DONSON: variants seen among roughly 807,000 people sequenced by gnomAD.
The protein encoded by DONSON is protein downstream neighbor of Son.
DONSON carries 43 observed loss-of-function variants against 62.1 expected under a neutral mutation model. That is an observed-to-expected ratio of 0.69 (90% confidence interval 0.54 to 0.89). The LOEUF is 0.89. Among genes scored for constraint, DONSON ranks in the 40% least tolerant of loss-of-function variants. DONSON has a pLI of 0.00. For synonymous variants in DONSON, 266 were observed against 264.6 expected, an observed-to-expected ratio of 1.01 and a Z score of -0.05; for missense variants, 696 against 697.5, an observed-to-expected ratio of 1.00 and a Z score of 0.03.
intron 2 of DONSON, among the ~76,000 whole-genome samples, chr21:33,586,528 CT>C (rs1348912848): frequency 6.6e-6 from 1 of 152,176 alleles, no homozygotes; most frequent in African/African-American, 2.4e-5. Flanking sequence ...GCTTCTGAAA[CT>C]CTGCATCCAG....
rs2086449773 is a variant in DONSON at position 33,577,714 on chromosome 21, C to A, written c.*593G>T. 6.8e-6 allele frequency: 1 copy of A among 146,478 alleles called. No individual in the cohort carries two copies. Among genetic ancestry groups the A allele is most frequent in the Admixed American group, 6.9e-5 (1 of 14,440 alleles). The allele number at this position is 146,478 out of a possible 1,614,324, so 9.1% of individuals were successfully genotyped here. On this transcript the variant is annotated 3_prime_UTR_variant, in exon 10 of 10. Coordinates refer to ENST00000303071, the MANE Select transcript of DONSON (RefSeq NM_017613.4). ...ACACACACACACACCCCTATAAGCA[C>A]ATTAAATACTACTTTGCCGTGACAG...
chr21:33,583,425 C>A, intron 5 of DONSON, 63 bp downstream of exon 5: 1 of 1,309,122 alleles, frequency 7.6e-7, no homozygotes, highest in Non-Finnish European at 1.0e-6. Flanking sequence ...ATTTAAATAG[C>A]TTTTAGGCCA....
At chr21:33,584,233 A>G (rs2086552723) in intron 4 of DONSON, among the ~76,000 whole-genome samples, 1 of 151,214 alleles carries the variant, frequency 6.6e-6, no homozygotes, top group Admixed American at 6.6e-5. Context: ...TTTTTAGTAG[A>G]GACAGGGTTT....
chr21:33,583,209 A>AAAAAAAAAAAAAAAAAAAAAC, intron 5 of DONSON, among the ~76,000 whole-genome samples: 1 of 87,578 alleles, frequency 1.1e-5, no homozygotes, highest in Non-Finnish European at 2.8e-5. Context: ...TCAAAAAAAA[A>AAAAAAAAAAAAAAAAAAAAAC]AAAAAAAAAA....
chr21:33,577,672 CACACACACACACACACA>C lies in DONSON; in HGVS notation c.*618_*634del, dbSNP rs1266034230. On this transcript the variant is annotated 3_prime_UTR_variant, in exon 10 of 10. Coordinates refer to ENST00000303071, the MANE Select transcript of DONSON (RefSeq NM_017613.4). ...ACACACACACACACACACACACACA[CACACACACACACACACA>C]CACACACACACACCCCTATAAGCAC... 85 of 101,560 alleles carry C rather than the reference CACACACACACACACACA, an allele frequency of 8.4e-4. 3 individuals are homozygous for C. Among genetic ancestry groups the C allele is most frequent in the African/African-American group, 2.6e-3 (59 of 22,872 alleles). The allele number at this position is 101,560 out of a possible 1,614,324, so 6.3% of individuals were successfully genotyped here.
chr21:33,582,948 G>A (rs879564032), intron 5 of DONSON, among the ~76,000 whole-genome samples: 3 of 151,870 alleles, frequency 2.0e-5, no homozygotes, highest in Non-Finnish European at 4.4e-5. Context: ...ACGCCTGTAA[G>A]CCCAGCACTT....
rs747332456 is a variant in DONSON at position 33,582,284 on chromosome 21, A to G, written c.965-38T>C. 1.1e-4 allele frequency: 166 copies of G among 1,502,580 alleles called. 1 individual carries two copies. The highest frequency in any genetic ancestry group is 1.5e-4 in the Non-Finnish European group (162 of 1,092,564). 93.1% of individuals were successfully genotyped at this position (1,502,580 alleles called of 1,614,324 possible). Reference sequence around the variant, plus strand: ...CAAAAATGTAACTGAGTTGTCATTTAAAGTATTTAACAGGCATGCTGTACT... The same window carrying G: ...CAAAAATGTAACTGAGTTGTCATTTGAAGTATTTAACAGGCATGCTGTACT... On this transcript the variant is annotated intron_variant, in intron 5 of 9. Coordinates refer to ENST00000303071, the MANE Select transcript of DONSON (RefSeq NM_017613.4).
At position 33,579,702 on chromosome 21, in the gene DONSON, A is replaced by G. The variant is rs2834238; in HGVS notation, c.1351-140T>C. ...AATAAAACTATTTCCCAAGACATCT[A>G]AACAATGTTATGTGAGTACAAATAC... On this transcript the variant is annotated intron_variant, in intron 8 of 9. Coordinates refer to ENST00000303071, the MANE Select transcript of DONSON (RefSeq NM_017613.4). 0.12 allele frequency: 80,808 copies of G among 655,928 alleles called. 5,659 individuals are homozygous for G. Among genetic ancestry groups the G allele is most frequent in the Admixed American group, 0.18 (6,264 of 34,280 alleles). 40.6% of individuals were successfully genotyped at this position (655,928 alleles called of 1,614,324 possible).
chr21:33,585,918 G>C lies in DONSON; in HGVS notation c.606+60C>G, dbSNP rs560205499. 2.7e-4 allele frequency: 409 copies of C among 1,520,834 alleles called. 1 individual carries two copies. Among genetic ancestry groups the C allele is most frequent in the Middle Eastern group, 3.7e-4 (2 of 5,444 alleles). The allele number at this position is 1,520,834 out of a possible 1,614,324, so 94.2% of individuals were successfully genotyped here. A position where few individuals can be genotyped will look rare whatever the true frequency, so the allele number is the denominator to read the frequency against. On this transcript the variant is annotated intron_variant, in intron 3 of 9. Coordinates refer to ENST00000303071, the MANE Select transcript of DONSON (RefSeq NM_017613.4). ...AAGGCAGCATCTGCTATTTTGCAAA[G>C]GAGAGCATTTCACACTTAATTTGTT...
chr21:33,583,457 T>C (rs746015074), intron 5 of DONSON, 31 bp downstream of exon 5: 4 of 1,599,490 alleles, frequency 2.5e-6, no homozygotes, highest in African/African-American at 1.3e-5. Flanking sequence ...CTATATAGTA[T>C]AGTATTCTCA....
intron 4 of DONSON, among the ~76,000 whole-genome samples, 179 bp downstream of exon 4, chr21:33,584,411 A>G (rs1293472180): frequency 6.6e-6 from 1 of 151,850 alleles, no homozygotes; most frequent in African/African-American, 2.4e-5. Flanking sequence ...AAGAATGAGT[A>G]ACAGCTAAAA....
intron 8 of DONSON, among the ~76,000 whole-genome samples, chr21:33,580,384 T>C (rs1303839657): frequency 1.5e-5 from 2 of 132,510 alleles, no homozygotes; most frequent in Non-Finnish European, 3.1e-5. Flanking sequence ...TGAAAACCCG[T>C]CTCTACAAAA....
intron 5 of DONSON, among the ~76,000 whole-genome samples, chr21:33,583,199 T>TAAAAAAAAAAAAAAAAAAAAAAAAAAA (rs2086534551): frequency 6.4e-5 from 1 of 15,654 alleles, no homozygotes. Flanking sequence ...AGTCTCCATC[T>TAAAAAAAAAAAAAAAAAAAAAAAAAAA]CAAAAAAAAA....
Position 33,583,536 on chromosome 21 carries a change from G to A in DONSON, c.916C>T (p.Leu306Phe), listed in dbSNP as rs756425637. ...GLAGSDLITA[L>F]ISPTTRGLRE... ...AAACCTCGAGTTGTTGGAGATATGA[G>A]AGCTGTGATTAAGTCACTTCCAGCT... is the stretch of plus-strand genomic sequence containing the variant. The change falls in exon 5 of 10, where the codon CTC becomes TTC. Residue 306 changes from leucine to phenylalanine, a missense_variant. Transcript: ENST00000303071. 3.1e-6 allele frequency: 5 copies of A among 1,613,808 alleles called. No homozygotes were observed. Among genetic ancestry groups the A allele is most frequent in the East Asian group, 4.5e-5 (2 of 44,848 alleles).
At chr21:33,583,225 A>AAAAAAAAAAAAAAAAAAAAAT (rs1209982782) in intron 5 of DONSON, among the ~76,000 whole-genome samples, 2 of 139,898 alleles carry the variant, frequency 1.4e-5, no homozygotes, top group Non-Finnish European at 3.1e-5. Flanking sequence ...AAAAAAAAAA[A>AAAAAAAAAAAAAAAAAAAAAT]GAATGATCAT....
chr21:33,583,398 G>A (rs1191542969), intron 5 of DONSON, 90 bp downstream of exon 5: 2 of 1,012,024 alleles, frequency 2.0e-6, no homozygotes, highest in African/African-American at 1.6e-5. Context: ...CTAATCAACT[G>A]GTAAAAGGCA....
In DONSON at chr21:33,579,495, G is replaced by A. The variant is rs905816355; in HGVS notation, c.1418C>T (p.Thr473Ile). The change falls in exon 9 of 10, where the codon ACA becomes ATA. Residue 473 changes from threonine (T) to isoleucine (I), a missense_variant. Physicochemically the swap from Thr to Ile is moderately conservative, Grantham distance 89. Coordinates refer to ENST00000303071, the MANE Select transcript of DONSON (RefSeq NM_017613.4). ...GYRDQFSLEITGPIMPHSLHS... is the reference protein window; with the variant it reads ...GYRDQFSLEIIGPIMPHSLHS... ...CAGAGAATGAGGCATGATAGGACCT[G>A]TAATCTCCAAACTAAATTGGTCTCT... is the stretch of plus-strand genomic sequence containing the variant. 6.2e-7 allele frequency: 1 copy of A among 1,614,208 alleles called. No homozygotes were observed. Among genetic ancestry groups the A allele is most frequent in the Admixed American group, 1.7e-5 (1 of 60,028 alleles).
Position 33,583,538 on chromosome 21 carries a change from G to A in DONSON, c.914C>T (p.Ala305Val). 1.2e-6 allele frequency: 2 copies of A among 1,613,932 alleles called. No homozygotes were observed. The highest frequency in any genetic ancestry group is 1.7e-6 in the Non-Finnish European group (2 of 1,179,968). The change falls in exon 5 of 10, where the codon GCT (alanine) becomes GTT (valine). Residue 305 changes from alanine to valine, a missense_variant. By Grantham distance (64) the Ala-to-Val change is moderately conservative (BLOSUM62 0). Transcript: ENST00000303071. The part of the protein sequence containing the change: ...AGLAGSDLIT[A>V]LISPTTRGLR... ...ACCTCGAGTTGTTGGAGATATGAGA[G>A]CTGTGATTAAGTCACTTCCAGCTAA...
At chr21:33,585,281 C>A (rs1377230602) in intron 3 of DONSON, among the ~76,000 whole-genome samples, 1 of 152,070 alleles carries the variant, frequency 6.6e-6, no homozygotes, top group Non-Finnish European at 1.5e-5. Context: ...AGTACAGTGG[C>A]ACAATCAGAG....
Sources: gnomAD v4.1 joint callset for allele counts (sites outside exome capture counted in the v4.1 genomes callset) on GRCh38, gnomAD v4.1.1 for gene constraint, MANE v1.5 for transcripts, NCBI Gene and HGNC (gene_info 2026-07-23, HGNC 2026-07-21) for gene names.